UMPS: variants seen among roughly 807,000 people sequenced by gnomAD.
UMPS encodes the protein uridine monophosphate synthetase.
In UMPS, 21 loss-of-function variants were observed where a neutral mutation model predicts 38.9. The ratio of observed to expected loss-of-function variants is 0.54; its 90% CI spans 0.38 to 0.78. The LOEUF is 0.78. Ranked by LOEUF, UMPS falls within the 30% of genes least tolerant of loss-of-function variation. UMPS has a pLI of 0.00. For missense variants in UMPS, 533 were observed against 591.6 expected, an observed-to-expected ratio of 0.90 and a Z score of 1.03; for synonymous variants, 208 against 219.3, an observed-to-expected ratio of 0.95 and a Z score of 0.45.
rs1386922421 is a variant in UMPS at position 124,747,835 on chromosome 3, T to G, written c.*3751T>G. 4.4e-6 allele frequency: 2 copies of G among 452,866 alleles called. No individual in the cohort carries two copies. Among genetic ancestry groups the G allele is most frequent in the Admixed American group, 4.7e-5 (2 of 42,560 alleles). 28.1% of individuals were successfully genotyped at this position (452,866 alleles called of 1,614,324 possible). On this transcript the variant is annotated 3_prime_UTR_variant, in exon 6 of 6. Coordinates refer to ENST00000232607, the MANE Select transcript of UMPS (RefSeq NM_000373.4). ...CTCTCCCAGCGAAATAGCTGCTTGG[T>G]CTTGTGTGAATCCTGTACTTTAACA...
chr3:124,738,441 C>T, intron 3 of UMPS: 1 of 594,980 alleles, frequency 1.7e-6, no homozygotes, highest in South Asian at 1.9e-5. Flanking sequence ...ACTTCTTTCT[C>T]AGGTAGGCAT....
chr3:124,730,988 G>A (rs958278787), intron 1 of UMPS, among the ~76,000 whole-genome samples: 1 of 152,136 alleles, frequency 6.6e-6, no homozygotes, highest in Non-Finnish European at 1.5e-5. Flanking sequence ...CAGCACTTTG[G>A]GATGCCTAAG....
Position 124,748,049 on chromosome 3 carries a change from T to A in UMPS, c.*3965T>A, listed in dbSNP as rs1415296699. 2.3e-6 allele frequency: 1 copy of A among 425,668 alleles called. No individual in the cohort carries two copies. Among genetic ancestry groups the A allele is most frequent in the Admixed American group, 2.5e-5 (1 of 39,312 alleles). The allele number at this position is 425,668 out of a possible 1,614,324, so 26.4% of individuals were successfully genotyped here. On this transcript the variant is annotated 3_prime_UTR_variant, in exon 6 of 6. Coordinates refer to ENST00000232607, the MANE Select transcript of UMPS (RefSeq NM_000373.4). Reference sequence around the variant, plus strand: ...AAAGCATGAGAAAAATCAGGACTTGTTGGAGTTATATTTTTAAAATATATA... The same window carrying A: ...AAAGCATGAGAAAAATCAGGACTTGATGGAGTTATATTTTTAAAATATATA...
intron 2 of UMPS, 79 bp downstream of exon 2, chr3:124,735,325 C>T: frequency 7.4e-7 from 1 of 1,356,822 alleles, no homozygotes; most frequent in South Asian, 1.3e-5. Flanking sequence ...CTTCTGTGCA[C>T]TAATGTTTTA....
chr3:124,737,766 T>A lies in UMPS; in HGVS notation c.509T>A (p.Leu170His). 6.2e-7 allele frequency: 1 copy of A among 1,614,190 alleles called. No homozygotes were observed. The highest frequency in any genetic ancestry group is 8.5e-7 in the Non-Finnish European group (1 of 1,180,030). Residue 170 changes from leucine to histidine, a missense_variant, in exon 3 of 6, where the codon CTC (leucine) becomes CAC (histidine). Leu to His is a moderately conservative substitution (Grantham distance 99). Coordinates refer to ENST00000232607, the MANE Select transcript of UMPS (RefSeq NM_000373.4). ...AAGTTGCAGGCGCACGGGATCCGCC[T>A]CCACTCAGTGTGTACATTGTCCAAA... Reference protein sequence around the residue: ...KDKLQAHGIRLHSVCTLSKML... With the variant: ...KDKLQAHGIRHHSVCTLSKML...
intron 4 of UMPS, among the ~76,000 whole-genome samples, chr3:124,741,831 TTCTA>T (rs1334561562): frequency 6.6e-6 from 1 of 152,308 alleles, no homozygotes; most frequent in Non-Finnish European, 1.5e-5. Context: ...TTATTATGGT[TTCTA>T]TCTAAGATGA....
In UMPS at chr3:124,749,005, C is replaced by G. The variant is rs1255909247; in HGVS notation, c.*4921C>G. The G allele has an allele frequency of 2.2e-6, 1 of 453,980 alleles. No homozygotes were observed. Among genetic ancestry groups the G allele is most frequent in the Non-Finnish European group, 4.4e-6 (1 of 226,794 alleles). The allele number at this position is 453,980 out of a possible 1,614,324, so 28.1% of individuals were successfully genotyped here. A position where few individuals can be genotyped will look rare whatever the true frequency, so the allele number is the denominator to read the frequency against. On this transcript the variant is annotated 3_prime_UTR_variant, in exon 6 of 6. Coordinates refer to ENST00000232607, the MANE Select transcript of UMPS (RefSeq NM_000373.4). ...CCATGTCTTCGGGGGTGCCCTTGTGCACAGACAGCTCCATAGTCCTGCCTC... is the reference window on the plus strand; with the variant it reads ...CCATGTCTTCGGGGGTGCCCTTGTGGACAGACAGCTCCATAGTCCTGCCTC...
chr3:124,745,722 T>G lies in UMPS; in HGVS notation c.*1638T>G. ...AGGGCTACTCTGGGGAAGCCAAAAG[T>G]CATGAAGGGGAGAAGAATTTTCTGA... On this transcript the variant is annotated 3_prime_UTR_variant, in exon 6 of 6. Coordinates refer to ENST00000232607, the MANE Select transcript of UMPS (RefSeq NM_000373.4). The G allele has an allele frequency of 2.2e-6, 1 of 453,998 alleles. No homozygotes were observed. The highest frequency in any genetic ancestry group is 4.4e-6 in the Non-Finnish European group (1 of 226,768). The allele number at this position is 453,998 out of a possible 1,614,324, so 28.1% of individuals were successfully genotyped here. A position where few individuals can be genotyped will look rare whatever the true frequency, so the allele number is the denominator to read the frequency against.
At position 124,735,241 on chromosome 3, in the gene UMPS, AT is replaced by A; in HGVS notation, c.307del (p.Tyr103MetfsTer7). ...CTTATTAGAAGGAAAGAAACAAAGGATTATGGTAAAATAAAAGTAACATAAA... is the reference window on the plus strand; with the variant it reads ...CTTATTAGAAGGAAAGAAACAAAGGATATGGTAAAATAAAAGTAACATAAA... Reference protein sequence around the residue: ...PMLIRRKETKDYGTKRLVEGT... With the variant: ...PMLIRRKETKXYGTKRLVEGT... On this transcript the variant is annotated frameshift_variant, in exon 2 of 6. Transcript: ENST00000232607. LOFTEE classifies it high-confidence loss of function. 1 of 1,612,146 alleles carries A rather than the reference AT, an allele frequency of 6.2e-7. No homozygotes were observed. The highest frequency in any genetic ancestry group is 8.5e-7 in the Non-Finnish European group (1 of 1,178,346).
At chr3:124,730,724 A>G (rs761038053) in intron 1 of UMPS, 97 bp downstream of exon 1, 9 of 1,453,574 alleles carry the variant, frequency 6.2e-6, no homozygotes, top group Non-Finnish European at 8.4e-6. Context: ...AGTGAGAGCA[A>G]AAGAGCCAAG....
chr3:124,737,513 C>T lies in UMPS; in HGVS notation c.311-55C>T, dbSNP rs957141218. 112 of 1,505,678 alleles carry T rather than the reference C, an allele frequency of 7.4e-5. No homozygotes were observed. The South Asian group carries it at 9.8e-4, about 13-fold the overall frequency. The allele number at this position is 1,505,678 out of a possible 1,614,324, so 93.3% of individuals were successfully genotyped here. On this transcript the variant is annotated intron_variant, in intron 2 of 5. Transcript: ENST00000232607. ...TATACAGAGTGTGTGTACGTATATA[C>T]GCACATATACATACATATTTAAATT...
At position 124,745,665 on chromosome 3, in the gene UMPS, C is replaced by A. The variant is rs771826697; in HGVS notation, c.*1581C>A. 1.3e-4 allele frequency: 60 copies of A among 453,882 alleles called. No individual in the cohort carries two copies. The highest frequency in any genetic ancestry group is 2.3e-4 in the Non-Finnish European group (53 of 226,770). 28.1% of individuals were successfully genotyped at this position (453,882 alleles called of 1,614,324 possible). On this transcript the variant is annotated 3_prime_UTR_variant, in exon 6 of 6. Transcript: ENST00000232607. Reference sequence around the variant, plus strand: ...AGACCAACTCTCAAGGAAGAAGTGGCCACAGAAGGAGCAGGAAGGGAGTTG... The same window carrying A: ...AGACCAACTCTCAAGGAAGAAGTGGACACAGAAGGAGCAGGAAGGGAGTTG...
chr3:124,745,210 G>A lies in UMPS; in HGVS notation c.*1126G>A. 2.2e-6 allele frequency: 1 copy of A among 454,116 alleles called. No individual in the cohort carries two copies. The highest frequency in any genetic ancestry group is 4.4e-6 in the Non-Finnish European group (1 of 226,796). 28.1% of individuals were successfully genotyped at this position (454,116 alleles called of 1,614,324 possible). ...CACATTCAAGGTGGTGTTTGAGCAG[G>A]GGCAGGGTGAGGGCTGTCCCGGTGC... On this transcript the variant is annotated 3_prime_UTR_variant, in exon 6 of 6. Transcript: ENST00000232607.
At position 124,738,120 on chromosome 3, in the gene UMPS, A is replaced by G; in HGVS notation, c.863A>G (p.Asn288Ser). Residue 288 changes from asparagine (N) to serine (S), a missense_variant, in exon 3 of 6, where the codon AAT becomes AGT. Transcript: ENST00000232607. ...CTGAAGACTCATGTAGATATTTTGA[A>G]TGATTTTACTCTGGATGTGATGAAG... ...CMLKTHVDIL[N>S]DFTLDVMKEL... is the part of the protein sequence containing the mutation. The G allele has an allele frequency of 1.2e-6, 2 of 1,614,240 alleles. No individual in the cohort carries two copies. The highest frequency in any genetic ancestry group is 1.7e-6 in the Non-Finnish European group (2 of 1,180,044).
chr3:124,731,510 G>A (rs578258002), intron 1 of UMPS: 2 of 436,892 alleles, frequency 4.6e-6, no homozygotes, highest in Admixed American at 2.5e-5. Context: ...TTTTAGATGG[G>A]ATCTCTCTTA....
chr3:124,738,179 T>C lies in UMPS; in HGVS notation c.922T>C (p.Leu308=). The C allele has an allele frequency of 1.9e-6, 3 of 1,614,208 alleles. No homozygotes were observed. Among genetic ancestry groups the C allele is most frequent in the African/African-American group, 1.3e-5 (1 of 75,068 alleles). The change falls in exon 3 of 6, where the codon TTG becomes CTG. Residue 308 remains leucine (L), a synonymous_variant. Coordinates refer to ENST00000232607, the MANE Select transcript of UMPS (RefSeq NM_000373.4). ...LITLAKCHEF[L]IFEDRKFADI... ...AACTCTGGCAAAATGCCATGAGTTC[T>C]TGATATTTGAAGACCGGAAGTTTGC...
At position 124,745,832 on chromosome 3, in the gene UMPS, G is replaced by GT; in HGVS notation, c.*1748_*1749insT. 2.2e-6 allele frequency: 1 copy of GT among 454,112 alleles called. No individual in the cohort carries two copies. The highest frequency in any genetic ancestry group is 4.4e-6 in the Non-Finnish European group (1 of 226,792). The allele number at this position is 454,112 out of a possible 1,614,324, so 28.1% of individuals were successfully genotyped here. A position where few individuals can be genotyped will look rare whatever the true frequency, so the allele number is the denominator to read the frequency against. On this transcript the variant is annotated 3_prime_UTR_variant, in exon 6 of 6. Coordinates refer to ENST00000232607, the MANE Select transcript of UMPS (RefSeq NM_000373.4). Reference sequence around the variant, plus strand: ...TTTGGAGTGATGTGCTGAGGTCTCAGGCGCCCACCTCCCTGGCTGTCACTT... The same window carrying GT: ...TTTGGAGTGATGTGCTGAGGTCTCAGTGCGCCCACCTCCCTGGCTGTCACTT...
chr3:124,740,036 A>G lies in UMPS; in HGVS notation c.995A>G (p.Lys332Arg). ...CCCTTCTTCTTAGGAGGTATCTTTAAAATAGCTTCCTGGGCAGATCTAGTA... is the reference window on the plus strand; with the variant it reads ...CCCTTCTTCTTAGGAGGTATCTTTAGAATAGCTTCCTGGGCAGATCTAGTA... Reference protein sequence around the residue: ...VKKQYEGGIFKIASWADLVNA... With the variant: ...VKKQYEGGIFRIASWADLVNA... Residue 332 changes from lysine (K) to arginine (R), a missense_variant, in exon 4 of 6, where the codon AAA becomes AGA. Lys to Arg is a conservative substitution (Grantham distance 26, BLOSUM62 2). Transcript: ENST00000232607. 1 of 1,614,190 alleles carries G rather than the reference A, an allele frequency of 6.2e-7. No individual in the cohort carries two copies. The highest frequency in any genetic ancestry group is 8.5e-7 in the Non-Finnish European group (1 of 1,180,044).
rs1295872347 is a variant in UMPS, at chr3:124,746,704, C to T, written c.*2620C>T. 2.2e-6 allele frequency: 1 copy of T among 451,730 alleles called. No homozygotes were observed. Among genetic ancestry groups the T allele is most frequent in the Non-Finnish European group, 4.4e-6 (1 of 225,308 alleles). The allele number at this position is 451,730 out of a possible 1,614,324, so 28.0% of individuals were successfully genotyped here. On this transcript the variant is annotated 3_prime_UTR_variant, in exon 6 of 6. Coordinates refer to ENST00000232607, the MANE Select transcript of UMPS (RefSeq NM_000373.4). ...GACTGATGGAGTGGAGAACGCCATC[C>T]CCCAGCCTCTCCAGCTACTCGAGGC...
Sources: allele counts gnomAD v4.1 joint callset (sites outside exome capture counted in the v4.1 genomes callset), GRCh38; gene constraint gnomAD v4.1.1; transcripts MANE v1.5; gene names NCBI Gene and HGNC (gene_info 2026-07-23, HGNC 2026-07-21).